B4GALNT2: variants seen among roughly 807,000 people sequenced by gnomAD.
B4GALNT2 encodes beta-1,4-N-acetyl-galactosaminyltransferase 2 (SID blood group), also known as N-acetylneuraminylgalactosylglucosyl-glucoside beta-1,4-N- acetylgalactosaminyltransferase 2.
A neutral mutation model predicts 51.1 loss-of-function variants in B4GALNT2; 42 were observed. That is an observed-to-expected ratio of 0.82 (90% confidence interval 0.64 to 1.06). The LOEUF (loss-of-function observed/expected upper bound fraction) is 1.06. Ranked by LOEUF, B4GALNT2 falls within the 50% of genes least tolerant of loss-of-function variation. The pLI is 0.00. For synonymous variants in B4GALNT2, 253 were observed against 251.7 expected, an observed-to-expected ratio of 1.01 and a Z score of -0.05; for missense variants, 602 against 633.6, an observed-to-expected ratio of 0.95 and a Z score of 0.54.
At chr17:49,131,513 C>A (rs2042539093), upstream of B4GALNT2, among the ~76,000 whole-genome samples, 1 of 123,894 alleles carries the variant, frequency 8.1e-6, no homozygotes, top group Non-Finnish European at 1.8e-5. Context: ...CTTTTTTTCC[C>A]TTTTTTTGAG....
intron 1 of B4GALNT2, among the ~76,000 whole-genome samples, chr17:49,133,784 G>A (rs1046863748): frequency 1.3e-5 from 2 of 152,008 alleles, no homozygotes; most frequent in African/African-American, 2.4e-5. Flanking sequence ...GTGGTGGCAA[G>A]TGCCTGTAAT....
chr17:49,148,727 G>A, intron 3 of B4GALNT2: 1 of 582,838 alleles, frequency 1.7e-6, no homozygotes, highest in South Asian at 2.1e-5. Flanking sequence ...TAGGCATGTG[G>A]ACATCCTTCT....
At chr17:49,139,937 C>T (rs1490412747) in intron 1 of B4GALNT2, among the ~76,000 whole-genome samples, 4 of 151,332 alleles carry the variant, frequency 2.6e-5, no homozygotes, top group Non-Finnish European at 5.9e-5. Context: ...TCTCAAATTA[C>T]CACTGTATTA....
At chr17:49,151,115 C>CAATT (rs2042750895) in intron 3 of B4GALNT2, among the ~76,000 whole-genome samples, 27 of 52,794 alleles carry the variant, frequency 5.1e-4, no homozygotes, top group African/African-American at 2.1e-3. Context: ...TGGCTCACGC[C>CAATT]TGTAATCCCA....
chr17:49,135,765 T>TA (rs2042584350), intron 1 of B4GALNT2, among the ~76,000 whole-genome samples: 1 of 150,518 alleles, frequency 6.6e-6, no homozygotes, highest in South Asian at 2.1e-4. Flanking sequence ...AGCCTGGCTC[T>TA]AAAAAAGGAA....
chr17:49,141,463 T>C lies in B4GALNT2; in HGVS notation c.215+16T>C. The C allele has an allele frequency of 6.2e-7, 1 of 1,610,140 alleles. No individual in the cohort carries two copies. The stretch of plus-strand genomic sequence containing the variant: ...ATGGAATCTGGTGAGAGACTGCGTG[T>C]TCTTTCTTTCACCTTAATGCACACA... On this transcript the variant is annotated intron_variant, in intron 2 of 10. Transcript: ENST00000393354.
At chr17:49,158,176 C>T (rs1013882944) in intron 5 of B4GALNT2, among the ~76,000 whole-genome samples, 1 of 152,112 alleles carries the variant, frequency 6.6e-6, no homozygotes, top group Admixed American at 6.6e-5. Context: ...ATGGAGGTGC[C>T]ATCCACAAGG....
chr17:49,142,864 C>T (rs1024291629), intron 3 of B4GALNT2, among the ~76,000 whole-genome samples: 1 of 152,194 alleles, frequency 6.6e-6, no homozygotes, highest in Admixed American at 6.5e-5. Context: ...GAGCATACTA[C>T]CCTGTGCTAT....
rs151144198 is a variant in B4GALNT2 at position 49,137,668 on chromosome 17, A to G, written c.15-3579A>G. Among the ~76,000 whole-genome samples the G allele has an allele frequency of 2.2e-3, 329 of 152,306 alleles. 2 individuals are homozygous for G. Among genetic ancestry groups the G allele is most frequent in the African/African-American group, 7.2e-3 (301 of 41,568 alleles). On this transcript the variant is annotated intron_variant, in intron 1 of 10. Transcript: ENST00000393354. The stretch of plus-strand genomic sequence containing the variant: ...TACTAAATTAAAATGTATGTTCTAC[A>G]TATTCTGCACAAGAAAAAAACACAT...
At chr17:49,122,813 T>A in the B4GALNT2 span, among the ~76,000 whole-genome samples, 2 of 152,194 alleles carry the variant, frequency 1.3e-5, no homozygotes, top group Non-Finnish European at 2.9e-5. Flanking sequence ...TAACTGAGAT[T>A]CTCTGTCTGA....
intron 3 of B4GALNT2, among the ~76,000 whole-genome samples, chr17:49,149,732 C>T (rs1257955236): frequency 2.6e-5 from 4 of 152,192 alleles, no homozygotes; most frequent in African/African-American, 9.7e-5. Flanking sequence ...TTATTGCTTA[C>T]ACATGCAAGC....
At position 49,173,968 on chromosome 17, in the gene B4GALNT2, G is replaced by C. The variant is rs1338709060; in HGVS notation, c.*4240G>C. On this transcript the variant is annotated 3_prime_UTR_variant, in exon 11 of 11. Transcript: ENST00000393354. The stretch of plus-strand genomic sequence containing the variant: ...GCATCTCCTCTAAGGTTAGAAAATG[G>C]CATAGGTAGGAATGCCTAGAGTAGG... 2 of 152,192 alleles carry C rather than the reference G, an allele frequency of 1.3e-5. No homozygotes were observed. The highest frequency in any genetic ancestry group is 2.9e-5 in the Non-Finnish European group (2 of 68,036). 9.4% of individuals were successfully genotyped at this position (152,192 alleles called of 1,614,324 possible).
rs2042960536 is a variant in B4GALNT2 at position 49,172,003 on chromosome 17, A to G, written c.*2275A>G. On this transcript the variant is annotated 3_prime_UTR_variant, in exon 11 of 11. Transcript: ENST00000393354. ...AGATTGATAAATATGCCCAATAAGT[A>G]TAACTGTTCTCTGTGTTGTTCCTTG... 1 of 264,402 alleles carries G rather than the reference A, an allele frequency of 3.8e-6. No homozygotes were observed. Among genetic ancestry groups the G allele is most frequent in the South Asian group, 5.2e-5 (1 of 19,088 alleles). 16.4% of individuals were successfully genotyped at this position (264,402 alleles called of 1,614,324 possible).
In B4GALNT2 at chr17:49,170,811, A is replaced by G. The variant is rs1320030514; in HGVS notation, c.*1083A>G. 5 of 152,314 alleles carry G rather than the reference A, an allele frequency of 3.3e-5. No individual in the cohort carries two copies. Among genetic ancestry groups the G allele is most frequent in the African/African-American group, 7.2e-5 (3 of 41,472 alleles). The allele number at this position is 152,314 out of a possible 1,614,324, so 9.4% of individuals were successfully genotyped here. A position where few individuals can be genotyped will look rare whatever the true frequency, so the allele number is the denominator to read the frequency against. ...CCCACATATTTATTGACAGCAAGCC[A>G]GTGATAAGCATTGTTTCTATAGATT... On this transcript the variant is annotated 3_prime_UTR_variant, in exon 11 of 11. Coordinates refer to ENST00000393354, the MANE Select transcript of B4GALNT2 (RefSeq NM_001159387.2).
At chr17:49,139,211 A>G (rs973229589) in intron 1 of B4GALNT2, among the ~76,000 whole-genome samples, 13 of 151,662 alleles carry the variant, frequency 8.6e-5, no homozygotes, top group African/African-American at 2.9e-4. Flanking sequence ...TAGCACTTCC[A>G]TGACAATGTT....
rs548652906 is a variant in B4GALNT2, at chr17:49,149,878, C to T, written c.354-2922C>T. Among the ~76,000 whole-genome samples, 3 of 152,250 alleles carry T rather than the reference C, an allele frequency of 2.0e-5. No individual in the cohort carries two copies. The South Asian group carries it at 6.2e-4, about 32-fold the overall frequency. On this transcript the variant is annotated intron_variant, in intron 3 of 10. Coordinates refer to ENST00000393354, the MANE Select transcript of B4GALNT2 (RefSeq NM_001159387.2). ...TCATGAAGAGTGGGTAAGTGTTGCACCTTACATACACCTAACTAACGTTTG... is the reference window on the plus strand; with the variant it reads ...TCATGAAGAGTGGGTAAGTGTTGCATCTTACATACACCTAACTAACGTTTG...
At chr17:49,129,851 G>A (rs1162901967), upstream of B4GALNT2, among the ~76,000 whole-genome samples, 2 of 152,170 alleles carry the variant, frequency 1.3e-5, no homozygotes, top group Non-Finnish European at 2.9e-5. Context: ...GTGGTTTATG[G>A]TCATGCTAAC....
At chr17:49,169,497 T>G in intron 10 of B4GALNT2, 26 bp from the exon 11 acceptor site, 1 of 1,601,714 alleles carries the variant, frequency 6.2e-7, no homozygotes, top group Non-Finnish European at 8.5e-7. Context: ...AGCTCCCACT[T>G]CCTTCTGCTC....
the B4GALNT2 span, among the ~76,000 whole-genome samples, chr17:49,126,930 C>T: frequency 1.3e-5 from 2 of 152,180 alleles, no homozygotes; most frequent in East Asian, 3.8e-4. Flanking sequence ...TCTCGAGCTC[C>T]TGACCTCAGG....
Sources: gnomAD v4.1 joint callset for allele counts (sites outside exome capture counted in the v4.1 genomes callset) on GRCh38, gnomAD v4.1.1 for gene constraint, MANE v1.5 for transcripts, NCBI Gene and HGNC (gene_info 2026-07-23, HGNC 2026-07-21) for gene names.